The following USP12 variants were observed in gnomAD, a reference collection of about 807,000 sequenced individuals.
USP12 encodes the protein ubiquitin specific peptidase 12, also known as ubiquitin carboxyl-terminal hydrolase 12.
In USP12, 19 loss-of-function variants were observed where a neutral mutation model predicts 45.5. The ratio of observed to expected loss-of-function variants is 0.42; its 90% confidence interval spans 0.29 to 0.61. USP12 has a LOEUF of 0.61. Ranked by LOEUF, USP12 falls within the 20% of genes least tolerant of loss-of-function variation. The pLI, the probability that USP12 is intolerant of heterozygous loss-of-function variation, is 0.22. For missense variants in USP12, 242 were observed against 447.7 expected (o/e 0.54, Z 4.15); for synonymous variants, 149 against 148.8 (o/e 1.00, Z -0.01).
At chr13:27,144,484 G>C (rs1877216662) in intron 1 of USP12, among the ~76,000 whole-genome samples, 1 of 132,818 alleles carries the variant, frequency 7.5e-6, no homozygotes, top group Non-Finnish European at 1.6e-5. Context: ...CTAGGCAACA[G>C]GGCAAGACTC....
At chr13:27,086,183 AAAAAAAAAAAAAAAAT>A (rs1874010926) in intron 6 of USP12, among the ~76,000 whole-genome samples, 1 of 39,314 alleles carries the variant, frequency 2.5e-5, no homozygotes, top group Non-Finnish European at 5.2e-5. Context: ...TTAAAAAAAA[AAAAAAAAAAAAAAAAT>A]ATATATATAT....
intron 3 of USP12, among the ~76,000 whole-genome samples, chr13:27,100,459 G>A (rs953735731): frequency 5.9e-5 from 9 of 152,144 alleles, no homozygotes; most frequent in African/African-American, 2.2e-4. Flanking sequence ...AAGTGCCCAA[G>A]ATACAGCCAT....
chr13:27,153,088 C>CT (rs1435158219), intron 1 of USP12, among the ~76,000 whole-genome samples: 5 of 152,148 alleles, frequency 3.3e-5, no homozygotes, highest in Non-Finnish European at 5.9e-5. Context: ...TCCCAGTACT[C>CT]TGAGAGGCTG....
chr13:27,125,621 T>C (rs1876193083), intron 1 of USP12, among the ~76,000 whole-genome samples: 1 of 152,140 alleles, frequency 6.6e-6, no homozygotes, highest in African/African-American at 2.4e-5. Flanking sequence ...GTGGGTACAG[T>C]CCACGGAGGG....
Position 27,154,405 on chromosome 13 carries a change from C to T in USP12, c.48+17187G>A, listed in dbSNP as rs147940356. Among the ~76,000 whole-genome samples the T allele has an allele frequency of 3.6e-4, 55 of 152,266 alleles. No individual in the cohort carries two copies. In the East Asian group the frequency reaches 0.01, roughly 29 times the overall value. On this transcript the variant is annotated intron_variant, in intron 1 of 8. Coordinates refer to ENST00000282344, the MANE Select transcript of USP12 (RefSeq NM_182488.4). ...TTGGTAGCTAATTTTCCTGAATGTTCCACTGCATCTTTACTTTTCTCCTGC... is the reference window on the plus strand; with the variant it reads ...TTGGTAGCTAATTTTCCTGAATGTTTCACTGCATCTTTACTTTTCTCCTGC...
intron 1 of USP12, among the ~76,000 whole-genome samples, chr13:27,154,814 T>C (rs1237669424): frequency 6.6e-6 from 1 of 151,976 alleles, no homozygotes; most frequent in East Asian, 1.9e-4. Flanking sequence ...CCCTATGTAA[T>C]CACAAGGGTC....
chr13:27,153,806 A>G (rs1395006645), intron 1 of USP12, among the ~76,000 whole-genome samples: 4 of 152,184 alleles, frequency 2.6e-5, no homozygotes, highest in Non-Finnish European at 5.9e-5. Context: ...TGTCTTCCTT[A>G]TCATCTCTTT....
intron 6 of USP12, among the ~76,000 whole-genome samples, chr13:27,082,971 G>A (rs144605958): frequency 0.05 from 7,670 of 152,230 alleles, 251 homozygotes; most frequent in Non-Finnish European, 0.059. Flanking sequence ...GAGTTGCTGG[G>A]ATTATAGGCA....
chr13:27,106,310 T>C (rs1213781849), intron 2 of USP12, among the ~76,000 whole-genome samples: 1 of 151,154 alleles, frequency 6.6e-6, no homozygotes, highest in African/African-American at 2.4e-5. Flanking sequence ...TCCTTAACTA[T>C]GAATTTCTCT....
chr13:27,167,274 A>AAT (rs1555240348), intron 1 of USP12, among the ~76,000 whole-genome samples: 14 of 152,018 alleles, frequency 9.2e-5, no homozygotes, highest in Non-Finnish European at 1.8e-4. Flanking sequence ...AAAAAAAAAT[A>AAT]AAATAAATAA....
In USP12 at chr13:27,156,821, C is replaced by CA. The variant is rs1018631126; in HGVS notation, c.48+14770dup. On this transcript the variant is annotated intron_variant, in intron 1 of 8. Transcript: ENST00000282344. ...TGGGCGACAGAGCAAGATTCCGTCTCAAAAAAACAAAAGAGAGAGAGAGAA... is the reference window on the plus strand; with the variant it reads ...TGGGCGACAGAGCAAGATTCCGTCTCAAAAAAAACAAAAGAGAGAGAGAGAA... Among the ~76,000 whole-genome samples, 25 of 150,778 alleles carry CA rather than the reference C, an allele frequency of 1.7e-4. 1 individual carries two copies. Among genetic ancestry groups the CA allele is most frequent in the African/African-American group, 5.7e-4 (23 of 40,594 alleles).
At chr13:27,091,553 G>A (rs1874316318) in intron 4 of USP12, among the ~76,000 whole-genome samples, 1 of 152,140 alleles carries the variant, frequency 6.6e-6, no homozygotes, top group Admixed American at 6.5e-5. Flanking sequence ...GGCTGCTATT[G>A]GACTAATATG....
At chr13:27,077,816 C>G (rs1873560378) in intron 6 of USP12, 1 of 151,990 alleles carries the variant, frequency 6.6e-6, no homozygotes, top group South Asian at 2.1e-4. Context: ...CACCAAAACA[C>G]CAAAGAATTT....
In USP12 at chr13:27,069,041, C is replaced by A; in HGVS notation, c.*242G>T. ...GCTGTTTTAAAAGAGGAGCTGGTAT[C>A]TCTGATTTCACCTCCTTGTTGTATG... On this transcript the variant is annotated 3_prime_UTR_variant, in exon 9 of 9. Transcript: ENST00000282344. 1 of 494,326 alleles carries A rather than the reference C, an allele frequency of 2.0e-6. No homozygotes were observed. The highest frequency in any genetic ancestry group is 3.8e-5 in the Admixed American group (1 of 26,456). The allele number at this position is 494,326 out of a possible 1,614,324, so 30.6% of individuals were successfully genotyped here.
intron 1 of USP12, chr13:27,162,766 T>A (rs1878167720): frequency 6.6e-6 from 1 of 152,182 alleles, no homozygotes; most frequent in African/African-American, 2.4e-5. Context: ...ACCATTTGGA[T>A]TATTATGATT....
chr13:27,110,810 C>G (rs1875403017), intron 2 of USP12, among the ~76,000 whole-genome samples: 2 of 152,134 alleles, frequency 1.3e-5, no homozygotes, highest in Admixed American at 1.3e-4. Flanking sequence ...TAACGACCAA[C>G]AAATCTGGTT....
chr13:27,135,342 A>G (rs1478774087), intron 1 of USP12, among the ~76,000 whole-genome samples: 1 of 152,252 alleles, frequency 6.6e-6, no homozygotes, highest in Non-Finnish European at 1.5e-5. Context: ...TATCGTAACA[A>G]CATTTATAAA....
chr13:27,067,898 C>T lies in USP12; in HGVS notation c.*1385G>A, dbSNP rs1318795503. The T allele has an allele frequency of 6.6e-6, 1 of 152,086 alleles. No individual in the cohort carries two copies. Among genetic ancestry groups the T allele is most frequent in the Non-Finnish European group, 1.5e-5 (1 of 68,014 alleles). 9.4% of individuals were successfully genotyped at this position (152,086 alleles called of 1,614,324 possible). The stretch of plus-strand genomic sequence containing the variant: ...GAAAAACGTCCAAAAAAACTGCAAT[C>T]GTTTACATATATTTTATGTTACATA... On this transcript the variant is annotated 3_prime_UTR_variant, in exon 9 of 9. Coordinates refer to ENST00000282344, the MANE Select transcript of USP12 (RefSeq NM_182488.4).
At chr13:27,084,531 T>C (rs1460857752) in intron 6 of USP12, among the ~76,000 whole-genome samples, 1 of 151,906 alleles carries the variant, frequency 6.6e-6, no homozygotes, top group Admixed American at 6.6e-5. Context: ...TTCTATAGTT[T>C]TAGGTCTTAA....
Sources: gnomAD v4.1 joint callset for allele counts (sites outside exome capture counted in the v4.1 genomes callset) on GRCh38, gnomAD v4.1.1 for gene constraint, MANE v1.5 for transcripts, NCBI Gene and HGNC (gene_info 2026-07-23, HGNC 2026-07-21) for gene names.